Variants in TRPM3 observed in about 807,000 individuals in gnomAD.
The protein encoded by TRPM3 is long transient receptor potential channel 3.
In TRPM3, 77 loss-of-function variants were observed where a neutral mutation model predicts 181.2. The ratio of observed to expected loss-of-function variants is 0.42; its 90% CI spans 0.35 to 0.51. The LOEUF is 0.51. Among genes scored for constraint, TRPM3 ranks in the 20% least tolerant of loss-of-function variants. The pLI, the probability that TRPM3 is intolerant of heterozygous loss-of-function variation, is 0.01. For synonymous variants in TRPM3, 745 were observed against 796.4 expected (o/e 0.94, Z 1.09); for missense variants, 1,759 against 2,196.7 (o/e 0.80, Z 3.98).
chr9:71,142,776 A>C (rs1166467995), intron 1 of TRPM3, among the ~76,000 whole-genome samples: 3 of 124,474 alleles, frequency 2.4e-5, no homozygotes, highest in Admixed American at 7.4e-5. Context: ...GCACTATCAG[A>C]TTCTGTTACT....
intron 1 of TRPM3, among the ~76,000 whole-genome samples, chr9:71,254,423 A>C (rs1046249710): frequency 1.3e-5 from 2 of 152,200 alleles, no homozygotes; most frequent in Non-Finnish European, 2.9e-5. Context: ...TCTGCTGTAC[A>C]ACACGGTGAC....
At chr9:70,957,539 T>C (rs2097091425) in intron 1 of TRPM3, among the ~76,000 whole-genome samples, 1 of 152,316 alleles carries the variant, frequency 6.6e-6, no homozygotes, top group Middle Eastern at 3.4e-3. Context: ...TTCACACCTA[T>C]ACCTCATATT....
intron 6 of TRPM3, chr9:70,824,959 G>A (rs2093458378): frequency 6.6e-6 from 1 of 152,188 alleles, no homozygotes; most frequent in South Asian, 2.1e-4. Context: ...GACCTCAAAG[G>A]TCCTGCTTTA....
At chr9:71,187,837 A>AT (rs1219498163) in intron 1 of TRPM3, among the ~76,000 whole-genome samples, 2 of 151,780 alleles carry the variant, frequency 1.3e-5, no homozygotes, top group African/African-American at 2.4e-5. Flanking sequence ...CATATTCTCC[A>AT]TATTCTTCTG....
chr9:70,554,858 A>AT (rs1229870652), intron 22 of TRPM3, among the ~76,000 whole-genome samples: 15 of 152,204 alleles, frequency 9.9e-5, no homozygotes, highest in African/African-American at 3.6e-4. Flanking sequence ...AGATGACTGG[A>AT]TGCAGAATCA....
At chr9:71,438,344 T>A (rs1194529883) in intron 1 of TRPM3, among the ~76,000 whole-genome samples, 1 of 152,224 alleles carries the variant, frequency 6.6e-6, no homozygotes, top group African/African-American at 2.4e-5. Context: ...AAGTTTTTTT[T>A]AAAATTTGAT....
chr9:71,105,368 G>A (rs962126647), intron 1 of TRPM3, among the ~76,000 whole-genome samples: 2 of 152,198 alleles, frequency 1.3e-5, no homozygotes, highest in Non-Finnish European at 2.9e-5. Context: ...CTAGAGACAG[G>A]AGGCACTGTA....
At chr9:71,128,922 T>A (rs1452444746) in intron 1 of TRPM3, among the ~76,000 whole-genome samples, 2 of 152,180 alleles carry the variant, frequency 1.3e-5, no homozygotes, top group African/African-American at 4.8e-5. Context: ...GCTGAGGGCC[T>A]GCCCAAGCTA....
At chr9:71,182,061 G>A (rs2077436601) in intron 1 of TRPM3, among the ~76,000 whole-genome samples, 1 of 151,996 alleles carries the variant, frequency 6.6e-6, no homozygotes, top group African/African-American at 2.4e-5. Flanking sequence ...ACTCTCTTTT[G>A]CACATAACTC....
chr9:70,998,448 G>A (rs1322965311), intron 1 of TRPM3, among the ~76,000 whole-genome samples: 1 of 151,906 alleles, frequency 6.6e-6, no homozygotes, highest in Non-Finnish European at 1.5e-5. Flanking sequence ...TTTCTATTAT[G>A]AACACCCCCT....
intron 1 of TRPM3, among the ~76,000 whole-genome samples, chr9:71,279,820 G>A (rs1321695990): frequency 6.6e-6 from 1 of 152,178 alleles, no homozygotes; most frequent in African/African-American, 2.4e-5. Context: ...GCTCATGCCT[G>A]TAATCCCAGC....
chr9:71,186,373 A>C (rs1209992379), intron 1 of TRPM3, among the ~76,000 whole-genome samples: 1 of 152,070 alleles, frequency 6.6e-6, no homozygotes. Flanking sequence ...TGCCAACTAT[A>C]AAATTTGAAA....
chr9:70,847,294 A>G (rs1259642341), intron 3 of TRPM3, among the ~76,000 whole-genome samples: 2 of 152,200 alleles, frequency 1.3e-5, no homozygotes, highest in African/African-American at 2.4e-5. Flanking sequence ...TATGTATATA[A>G]CCATATATAT....
At chr9:71,118,154 C>G (rs1337789398) in intron 1 of TRPM3, among the ~76,000 whole-genome samples, 1 of 152,142 alleles carries the variant, frequency 6.6e-6, no homozygotes, top group Non-Finnish European at 1.5e-5. Context: ...TTGAAATTTA[C>G]CCATTTGAAA....
intron 9 of TRPM3, among the ~76,000 whole-genome samples, chr9:70,673,719 G>A (rs2063415156): frequency 2.0e-5 from 3 of 152,034 alleles, no homozygotes; most frequent in Admixed American, 2.0e-4. Context: ...ACAATGTCAG[G>A]AGTTCAAGAC....
intron 1 of TRPM3, among the ~76,000 whole-genome samples, chr9:71,222,274 A>C (rs911449806): frequency 2.6e-5 from 4 of 152,232 alleles, no homozygotes; most frequent in Non-Finnish European, 5.9e-5. Context: ...ATCTGAGTCC[A>C]AAAGTTAAAG....
intron 1 of TRPM3, among the ~76,000 whole-genome samples, chr9:71,232,491 C>CTTT (rs71352362): frequency 0.031 from 1,822 of 59,154 alleles, 463 homozygotes; most frequent in African/African-American, 0.13. Flanking sequence ...AATTCAGTGT[C>CTTT]TTTTTTTTTT....
intron 5 of TRPM3, among the ~76,000 whole-genome samples, chr9:70,830,094 G>A (rs1448164498): frequency 1.3e-5 from 2 of 152,324 alleles, no homozygotes; most frequent in African/African-American, 2.4e-5. Flanking sequence ...AAAGCAGTCT[G>A]TGAGAGGCAG....
At chr9:70,983,205 T>C (rs1426932709) in intron 1 of TRPM3, among the ~76,000 whole-genome samples, 1 of 152,056 alleles carries the variant, frequency 6.6e-6, no homozygotes, top group Non-Finnish European at 1.5e-5. Context: ...GCCCCACTGC[T>C]CTAGTTTTTT....
Sources: gnomAD v4.1 joint callset for allele counts (sites outside exome capture counted in the v4.1 genomes callset) on GRCh38, gnomAD v4.1.1 for gene constraint, MANE v1.5 for transcripts, NCBI Gene and HGNC (gene_info 2026-07-23, HGNC 2026-07-21) for gene names.